The following CTCFL variants were observed in gnomAD, a reference collection of about 807,000 sequenced individuals.
CTCFL encodes the protein transcriptional repressor CTCFL.
CTCFL carries 36 observed loss-of-function variants against 67.4 expected under a neutral mutation model. The observed-to-expected ratio is 0.53, with a 90% CI of 0.41 to 0.71. The LOEUF is 0.71. Among genes scored for constraint, CTCFL ranks in the 30% least tolerant of loss-of-function variants. The pLI is 0.00. For missense variants in CTCFL, 786 were observed against 835.2 expected, an observed-to-expected ratio of 0.94 and a Z score of 0.73; for synonymous variants, 324 against 302.3, an observed-to-expected ratio of 1.07 and a Z score of -0.75.
chr20:57,521,356 A>G (rs1323017114), intron 3 of CTCFL, among the ~76,000 whole-genome samples: 1 of 152,244 alleles, frequency 6.6e-6, no homozygotes, highest in African/African-American at 2.4e-5. Context: ...CAAAACTACA[A>G]CGAGATACCT....
At position 57,497,291 on chromosome 20, in the gene CTCFL, A is replaced by AT. The variant is rs2067736657; in HGVS notation, c.*1258_*1259insA. 1 of 984,520 alleles carries AT rather than the reference A, an allele frequency of 1.0e-6. No individual in the cohort carries two copies. The allele number at this position is 984,520 out of a possible 1,614,324, so 61.0% of individuals were successfully genotyped here. On this transcript the variant is annotated 3_prime_UTR_variant, in exon 11 of 11. Coordinates refer to ENST00000243914, the MANE Select transcript of CTCFL (RefSeq NM_001386993.1). The stretch of plus-strand genomic sequence containing the variant: ...GGCATACTACAGCCCACAGAATTTA[A>AT]ATCTCATGTGAGTTGAGTTAAATTA...
chr20:57,510,165 T>G (rs1228880751), intron 8 of CTCFL, among the ~76,000 whole-genome samples: 3 of 152,214 alleles, frequency 2.0e-5, no homozygotes, highest in Admixed American at 6.5e-5. Flanking sequence ...TGGTAACCAA[T>G]AGCATGCAAT....
intron 5 of CTCFL, chr20:57,518,428 A>C: frequency 9.7e-7 from 1 of 1,031,884 alleles, no homozygotes; most frequent in Non-Finnish European, 1.3e-6. Context: ...ACGTTAGAGC[A>C]AATACATTTT....
At chr20:57,508,404 T>C (rs2068340699) in intron 9 of CTCFL, among the ~76,000 whole-genome samples, 1 of 151,102 alleles carries the variant, frequency 6.6e-6, no homozygotes, top group Non-Finnish European at 1.5e-5. Context: ...TTTTAGGGGA[T>C]GAGGAGACCA....
chr20:57,506,324 G>C (rs1015386290), intron 9 of CTCFL, among the ~76,000 whole-genome samples: 1 of 152,098 alleles, frequency 6.6e-6, no homozygotes, highest in Non-Finnish European at 1.5e-5. Flanking sequence ...TTTTTTTCCT[G>C]AGACAGTCTC....
intron 9 of CTCFL, among the ~76,000 whole-genome samples, chr20:57,505,292 T>G (rs534165827): frequency 2.1e-4 from 32 of 151,854 alleles, no homozygotes; most frequent in South Asian, 2.1e-4. Flanking sequence ...GTCTTGCTCT[T>G]TCGTCTAGGC....
intron 9 of CTCFL, chr20:57,507,965 C>A (rs888790609): frequency 3.1e-6 from 2 of 651,904 alleles, no homozygotes; most frequent in Non-Finnish European, 2.8e-6. Flanking sequence ...ATTTTAGAGA[C>A]AGGGTCTCAC....
intron 8 of CTCFL, among the ~76,000 whole-genome samples, chr20:57,511,066 G>A (rs2146348118): frequency 6.6e-6 from 1 of 152,124 alleles, no homozygotes; most frequent in South Asian, 2.1e-4. Flanking sequence ...TCTTTTTTTA[G>A]GGTCTCACTC....
At chr20:57,514,489 C>T (rs569449252) in intron 7 of CTCFL, 103 bp downstream of exon 7, 12 of 1,386,030 alleles carry the variant, frequency 8.7e-6, no homozygotes, top group Non-Finnish European at 3.9e-6. Flanking sequence ...TTCCCGAAGA[C>T]CGGGCCTCCC....
At position 57,513,851 on chromosome 20, in the gene CTCFL, G is replaced by A. The variant is rs191581218; in HGVS notation, c.1330+741C>T. 3.3e-4 allele frequency: 420 copies of A among 1,289,030 alleles called. 1 individual carries two copies. Among genetic ancestry groups the A allele is most frequent in the Non-Finnish European group, 8.4e-5 (83 of 988,630 alleles). The allele number at this position is 1,289,030 out of a possible 1,614,324, so 79.8% of individuals were successfully genotyped here. ...ATTTTGGAAAGAGAAATAAGATCATGGAAAAGGGAGGCCCAGGAATCCTGA... is the reference window on the plus strand; with the variant it reads ...ATTTTGGAAAGAGAAATAAGATCATAGAAAAGGGAGGCCCAGGAATCCTGA... On this transcript the variant is annotated intron_variant, in intron 7 of 10. Coordinates refer to ENST00000243914, the MANE Select transcript of CTCFL (RefSeq NM_001386993.1).
chr20:57,501,064 C>T (rs951968514), intron 10 of CTCFL, among the ~76,000 whole-genome samples: 35 of 152,268 alleles, frequency 2.3e-4, no homozygotes, highest in African/African-American at 7.7e-4. Context: ...CAAATTTCAC[C>T]GGTCTGTCTT....
intron 10 of CTCFL, chr20:57,500,085 A>ATTTTTTTTTTTTTTTTTT (rs3068009): frequency 3.1e-6 from 2 of 639,826 alleles, no homozygotes; most frequent in Non-Finnish European, 3.7e-6. Context: ...TCCTTGAAGT[A>ATTTTTTTTTTTTTTTTTT]TTTTTTTTTT....
At chr20:57,514,773 C>G in intron 6 of CTCFL, 32 bp from the exon 7 acceptor site, 1 of 1,607,160 alleles carries the variant, frequency 6.2e-7, no homozygotes, top group Non-Finnish European at 8.5e-7. Flanking sequence ...GATTCCCCCT[C>G]CAGGCCTGAT....
At chr20:57,524,255 G>A in intron 1 of CTCFL, 39 bp from the exon 2 acceptor site, 1 of 1,563,432 alleles carries the variant, frequency 6.4e-7, no homozygotes, top group South Asian at 1.2e-5. Context: ...ATAGGGGGGA[G>A]AAGGGGGTGG....
At chr20:57,520,249 C>T (rs1279223262) in intron 3 of CTCFL, among the ~76,000 whole-genome samples, 2 of 152,188 alleles carry the variant, frequency 1.3e-5, no homozygotes, top group African/African-American at 4.8e-5. Flanking sequence ...ACTTTCACCC[C>T]AGGCTTCAAG....
chr20:57,524,784 G>C (rs895560569), intron 1 of CTCFL: 12 of 985,726 alleles, frequency 1.2e-5, no homozygotes, highest in Non-Finnish European at 1.4e-5. Context: ...TAGTGGCCTC[G>C]AGCCCACCCA....
Position 57,498,248 on chromosome 20 carries a change from C to T in CTCFL, c.*302G>A. The T allele has an allele frequency of 9.6e-7, 1 of 1,038,734 alleles. No individual in the cohort carries two copies. Among genetic ancestry groups the T allele is most frequent in the East Asian group, 8.7e-5 (1 of 11,532 alleles). 64.3% of individuals were successfully genotyped at this position (1,038,734 alleles called of 1,614,324 possible). A position where few individuals can be genotyped will look rare whatever the true frequency, so the allele number is the denominator to read the frequency against. Reference sequence around the variant, plus strand: ...ATCCATAGGTTTGAGGTGTTACCCTCTCATTCAAGGTTTAAAACTTTTATA... The same window carrying T: ...ATCCATAGGTTTGAGGTGTTACCCTTTCATTCAAGGTTTAAAACTTTTATA... On this transcript the variant is annotated 3_prime_UTR_variant, in exon 11 of 11. Transcript: ENST00000243914.
rs776452191 is a variant in CTCFL at position 57,523,885 on chromosome 20, C to T, written c.321G>A (p.Gly107=). Residue 107 remains glycine, a synonymous_variant, in exon 2 of 11, where the codon GGG becomes GGA. Coordinates refer to ENST00000243914, the MANE Select transcript of CTCFL (RefSeq NM_001386993.1). ...CAGGCTGTTGCACCACCACCTGCAC[C>T]CCTTCTTGCTGCTGTATGCTCAGCA... ...MSLLSIQQQE[G]VQVVVQQPGP... The T allele has an allele frequency of 1.2e-6, 2 of 1,613,196 alleles. No homozygotes were observed. The highest frequency in any genetic ancestry group is 1.7e-6 in the Non-Finnish European group (2 of 1,180,044).
At chr20:57,503,089 G>T (rs1013884110) in intron 10 of CTCFL, among the ~76,000 whole-genome samples, 15 of 152,208 alleles carry the variant, frequency 9.9e-5, no homozygotes, top group Non-Finnish European at 5.9e-5. Context: ...CTGGCCTCTA[G>T]AGCTATTTGA....
Sources: gnomAD v4.1 joint callset for allele counts (sites outside exome capture counted in the v4.1 genomes callset) on GRCh38, gnomAD v4.1.1 for gene constraint, MANE v1.5 for transcripts, NCBI Gene and HGNC (gene_info 2026-07-23, HGNC 2026-07-21) for gene names.